SLC7A8: variants seen among roughly 807,000 people sequenced by gnomAD.
The protein encoded by SLC7A8 is solute carrier family 7 member 8.
Under a neutral mutation model 51.2 loss-of-function variants are expected in SLC7A8, and 30 were observed. That is an observed-to-expected ratio of 0.59 (90% CI 0.44 to 0.80). The LOEUF is 0.80. SLC7A8 is among the 30% of genes least tolerant of loss of function. The probability of loss-of-function intolerance (pLI) is 0.00; values close to 1 mark genes in which losing one functional copy is unlikely to be tolerated. For synonymous variants in SLC7A8, 257 were observed against 275.8 expected, an observed-to-expected ratio of 0.93 and a Z score of 0.67; for missense variants, 612 against 674.4, an observed-to-expected ratio of 0.91 and a Z score of 1.03.
At chr14:23,142,346 G>GCT (rs1478829376) in intron 4 of SLC7A8, among the ~76,000 whole-genome samples, 1 of 152,122 alleles carries the variant, frequency 6.6e-6, no homozygotes, top group Admixed American at 6.6e-5. Flanking sequence ...GGAATGCAGA[G>GCT]CTCTCTCTCT....
chr14:23,182,829 G>A lies in SLC7A8; in HGVS notation c.86C>T (p.Ser29Phe), dbSNP rs149980964. The change falls in exon 1 of 11, where the codon TCC becomes TTC. Residue 29 changes from serine to phenylalanine, a missense_variant. By Grantham distance (155) the Ser-to-Phe change is radical. Transcript: ENST00000316902. Reference protein sequence around the residue: ...GESDASPEAGSGGGGVALKKE... With the variant: ...GESDASPEAGFGGGGVALKKE... ...CTTCAGGGCTACTCCGCCCCCTCCG[G>A]AACCAGCCTCGGGGCTGGCGTCCGA... The A allele has an allele frequency of 4.6e-3, 7,382 of 1,613,840 alleles. 116 individuals carry two copies. The highest frequency in any genetic ancestry group is 0.038 in the South Asian group (3,442 of 91,048).
intron 4 of SLC7A8, among the ~76,000 whole-genome samples, chr14:23,141,033 A>G (rs1186228708): frequency 6.6e-6 from 1 of 152,238 alleles, no homozygotes; most frequent in African/African-American, 2.4e-5. Flanking sequence ...CTGTAATCCA[A>G]ACAATCTGGG....
rs558324298 is a variant in SLC7A8 at position 23,170,702 on chromosome 14, G to A, written c.152-4162C>T. The stretch of plus-strand genomic sequence containing the variant: ...TCGAACTCCTGACCTCAGGCAATCC[G>A]CCTGCCTCGGCCTCCCAAAGTGCTG... On this transcript the variant is annotated intron_variant, in intron 1 of 10. Coordinates refer to ENST00000316902, the MANE Select transcript of SLC7A8 (RefSeq NM_012244.4). Among the ~76,000 whole-genome samples the A allele has an allele frequency of 4.7e-5, 7 of 149,810 alleles. No individual in the cohort carries two copies. The South Asian group carries it at 1.3e-3, about 27-fold the overall frequency.
chr14:23,162,313 G>A (rs1446857259), intron 3 of SLC7A8, among the ~76,000 whole-genome samples: 2 of 152,126 alleles, frequency 1.3e-5, no homozygotes, highest in African/African-American at 2.4e-5. Flanking sequence ...TTCCCCTAAA[G>A]GAAATAAGGA....
At chr14:23,144,964 ACT>A (rs1180598434) in intron 3 of SLC7A8, among the ~76,000 whole-genome samples, 1 of 139,510 alleles carries the variant, frequency 7.2e-6, no homozygotes, top group Non-Finnish European at 1.5e-5. Flanking sequence ...ACGGAGTCTC[ACT>A]CTGTCGCTCA....
intron 8 of SLC7A8, 63 bp from the exon 9 acceptor site, chr14:23,129,862 T>G: frequency 1.3e-6 from 2 of 1,578,336 alleles, no homozygotes; most frequent in South Asian, 2.3e-5. Context: ...TATTACAGAT[T>G]AGGGGCTGTC....
intron 1 of SLC7A8, 93 bp downstream of exon 1, chr14:23,182,671 T>C (rs1877232685): frequency 8.0e-6 from 11 of 1,381,670 alleles, no homozygotes; most frequent in Non-Finnish European, 9.7e-6. Flanking sequence ...TTCTAAGGAA[T>C]AGGAAGAACA....
rs769875359 is a variant in SLC7A8 at position 23,182,764 on chromosome 14, C to T, written c.151G>A (p.Gly51Arg). The T allele has an allele frequency of 1.3e-6, 2 of 1,574,488 alleles. No homozygotes were observed. Among genetic ancestry groups the T allele is most frequent in the Non-Finnish European group, 1.7e-6 (2 of 1,162,242 alleles). The change falls in exon 1 of 11, where the codon GGG becomes AGG. Residue 51 changes from glycine to arginine, a missense_variant and splice_region_variant. By Grantham distance (125) the Gly-to-Arg change is moderately radical. Transcript: ENST00000316902. ...GTCCGCGGGAAGGAATGGAACTCAC[C>T]TACGATGATACCACAGGCACTGACC... is the stretch of plus-strand genomic sequence containing the variant. The part of the protein sequence containing the change: ...GLVSACGIIV[G>R]NIIGSGIFVS...
In SLC7A8 at chr14:23,165,571, A is replaced by G; in HGVS notation, c.357-135T>C. 2.4e-6 allele frequency: 2 copies of G among 819,890 alleles called. No homozygotes were observed. Among genetic ancestry groups the G allele is most frequent in the Non-Finnish European group, 3.7e-6 (2 of 546,712 alleles). 50.8% of individuals were successfully genotyped at this position (819,890 alleles called of 1,614,324 possible). A position where few individuals can be genotyped will look rare whatever the true frequency, so the allele number is the denominator to read the frequency against. ...AGCCCAGCCTCTGCCCCCACCCACA[A>G]ATGAGACACCCAGCCCTCTGCAGTG... is the stretch of plus-strand genomic sequence containing the variant. On this transcript the variant is annotated intron_variant, in intron 2 of 10. Coordinates refer to ENST00000316902, the MANE Select transcript of SLC7A8 (RefSeq NM_012244.4). The surrounding 1 kb of genome is among the most constrained non-coding windows in gnomAD (Gnocchi z 4.2).
intron 3 of SLC7A8, among the ~76,000 whole-genome samples, chr14:23,157,728 G>C (rs1377104613): frequency 6.6e-6 from 1 of 152,118 alleles, no homozygotes; most frequent in Non-Finnish European, 1.5e-5. Flanking sequence ...AATATTGCCT[G>C]ACTATGTCCA....
intron 1 of SLC7A8, among the ~76,000 whole-genome samples, chr14:23,170,596 T>A (rs147796235): frequency 2.0e-5 from 3 of 152,016 alleles, no homozygotes; most frequent in African/African-American, 7.2e-5. Context: ...GTAGCTGGGA[T>A]TACAGGCGTG....
At chr14:23,169,379 C>T (rs2048965091) in intron 1 of SLC7A8, among the ~76,000 whole-genome samples, 1 of 151,968 alleles carries the variant, frequency 6.6e-6, no homozygotes, top group African/African-American at 2.4e-5. Flanking sequence ...AATAAAATTA[C>T]AAAGATAAAA....
intron 3 of SLC7A8, among the ~76,000 whole-genome samples, chr14:23,158,393 T>C (rs2048904878): frequency 6.6e-6 from 1 of 152,198 alleles, no homozygotes; most frequent in African/African-American, 2.4e-5. Flanking sequence ...TCGCCCAGGC[T>C]GGAGTGCAGT....
chr14:23,182,651 G>T, intron 1 of SLC7A8, 113 bp downstream of exon 1: 3 of 1,250,448 alleles, frequency 2.4e-6, no homozygotes, highest in Non-Finnish European at 2.2e-6. Context: ...TCAGGTGACT[G>T]ACAATCCTTT....
At chr14:23,129,917 G>A (rs924862558) in intron 8 of SLC7A8, 118 bp from the exon 9 acceptor site, 14 of 1,140,296 alleles carry the variant, frequency 1.2e-5, no homozygotes, top group African/African-American at 6.2e-5. Flanking sequence ...TGGATGTCTC[G>A]AAATGGAGAC....
rs1440591347 is a variant in SLC7A8 at position 23,131,609 on chromosome 14, C to A, written c.1017-52G>T. ...TGGGATAACCCAGGGACCACCAAGC[C>A]CCAGCTCCTTCATCCTTGCCTACCT... On this transcript the variant is annotated intron_variant, in intron 7 of 10. Coordinates refer to ENST00000316902, the MANE Select transcript of SLC7A8 (RefSeq NM_012244.4). 9.1e-6 allele frequency: 13 copies of A among 1,428,440 alleles called. No homozygotes were observed. In the East Asian group the frequency reaches 3.2e-4, roughly 35 times the overall value. The allele number at this position is 1,428,440 out of a possible 1,614,324, so 88.5% of individuals were successfully genotyped here.
At chr14:23,144,577 T>C (rs1029960429) in intron 3 of SLC7A8, among the ~76,000 whole-genome samples, 1 of 152,182 alleles carries the variant, frequency 6.6e-6, no homozygotes, top group Non-Finnish European at 1.5e-5. Context: ...TCAAGTTTTA[T>C]CAGTACCGTA....
chr14:23,175,863 A>G (rs2048996827), intron 1 of SLC7A8, among the ~76,000 whole-genome samples: 1 of 152,210 alleles, frequency 6.6e-6, no homozygotes, highest in Admixed American at 6.5e-5. Flanking sequence ...CTAGCAATGT[A>G]TGCTCAGTAA....
chr14:23,182,820 C>A lies in SLC7A8; in HGVS notation c.95G>T (p.Gly32Val), dbSNP rs1286063777. The A allele has an allele frequency of 6.2e-7, 1 of 1,613,504 alleles. No individual in the cohort carries two copies. Among genetic ancestry groups the A allele is most frequent in the South Asian group, 1.1e-5 (1 of 91,014 alleles). The change falls in exon 1 of 11, where the codon GGC becomes GTC. Residue 32 changes from glycine to valine, a missense_variant. Gly to Val is a moderately radical substitution (Grantham distance 109, BLOSUM62 -3). Transcript: ENST00000316902. The stretch of plus-strand genomic sequence containing the variant: ...GATCTCTTTCTTCAGGGCTACTCCG[C>A]CCCCTCCGGAACCAGCCTCGGGGCT... Reference protein sequence around the residue: ...DASPEAGSGGGGVALKKEIGL... With the variant: ...DASPEAGSGGVGVALKKEIGL...
Sources: gnomAD v4.1 joint callset for allele counts (sites outside exome capture counted in the v4.1 genomes callset) on GRCh38, gnomAD v4.1.1 for gene constraint, Gnocchi (gnomAD v3.1) non-coding constraint, MANE v1.5 for transcripts, NCBI Gene and HGNC (gene_info 2026-07-23, HGNC 2026-07-21) for gene names.